The following COG6 variants were observed in gnomAD, a reference collection of about 807,000 sequenced individuals.
COG6 encodes the protein conserved oligomeric Golgi complex subunit 6.
A neutral mutation model predicts 88.8 loss-of-function variants in COG6; 74 were observed. The ratio of observed to expected loss-of-function variants is 0.83; its 90% CI spans 0.69 to 1.01. The LOEUF is 1.01. COG6 is among the 50% of genes least tolerant of loss of function. The probability of loss-of-function intolerance (pLI) is 0.00; values close to 1 mark genes in which losing one functional copy is unlikely to be tolerated. For missense variants in COG6, 800 were observed against 797.9 expected, an observed-to-expected ratio of 1.00 and a Z score of -0.03; for synonymous variants, 286 against 278.7, an observed-to-expected ratio of 1.03 and a Z score of -0.26.
intron 18 of COG6, among the ~76,000 whole-genome samples, chr13:39,744,456 A>G (rs1328905915): frequency 1.3e-5 from 2 of 152,186 alleles, no homozygotes; most frequent in Admixed American, 6.5e-5. Flanking sequence ...CCTATACACC[A>G]ATAACAGACA....
chr13:39,668,912 G>T (rs1875447694), intron 4 of COG6, among the ~76,000 whole-genome samples: 1 of 152,092 alleles, frequency 6.6e-6, no homozygotes, highest in Non-Finnish European at 1.5e-5. Context: ...TAATGACCTT[G>T]ATACTATCTA....
At chr13:39,774,941 C>T (rs117468781) in intron 18 of COG6, among the ~76,000 whole-genome samples, 2,459 of 152,168 alleles carry the variant, frequency 0.016, 25 homozygotes, top group Non-Finnish European at 0.026. Context: ...CAGATAATTC[C>T]GAGAGATTGC....
chr13:39,688,150 ATT>A (rs1876775750), intron 10 of COG6, among the ~76,000 whole-genome samples: 2 of 152,104 alleles, frequency 1.3e-5, no homozygotes, highest in South Asian at 4.1e-4. Flanking sequence ...TATTATCTTA[ATT>A]TTATCTGTGT....
intron 18 of COG6, among the ~76,000 whole-genome samples, chr13:39,783,449 TG>T (rs1345268775): frequency 6.6e-6 from 1 of 152,218 alleles, no homozygotes; most frequent in Admixed American, 6.5e-5. Context: ...TGTTTTGTTT[TG>T]TTTTTTTCAT....
chr13:39,668,204 A>T (rs1165694583), intron 4 of COG6, among the ~76,000 whole-genome samples: 2 of 152,152 alleles, frequency 1.3e-5, no homozygotes, highest in Admixed American at 6.5e-5. Flanking sequence ...ATCTGACTGA[A>T]AAAAGTAAGC....
Position 39,724,483 on chromosome 13 carries a change from CTT to C in COG6, c.1693-8_1693-7del, listed in dbSNP as rs58666375. 0.098 allele frequency: 120,536 copies of C among 1,227,984 alleles called. 77 individuals are homozygous for C. Among genetic ancestry groups the C allele is most frequent in the Non-Finnish European group, 0.1 (92,044 of 887,108 alleles). 76.1% of individuals were successfully genotyped at this position (1,227,984 alleles called of 1,614,324 possible). ...TCTCCTTTTTTACATCTTGGATCTG[CTT>C]TTTTTTTTTTTTTTTTAAATAGGGC... On this transcript the variant is annotated intron_variant, in intron 16 of 18. Coordinates refer to ENST00000455146, the MANE Select transcript of COG6 (RefSeq NM_020751.3).
At chr13:39,784,949 A>C (rs1881729289) in intron 18 of COG6, among the ~76,000 whole-genome samples, 1 of 152,186 alleles carries the variant, frequency 6.6e-6, no homozygotes, top group South Asian at 2.1e-4. Flanking sequence ...GCAATGTATT[A>C]GGGAAGAGCA....
intron 18 of COG6, among the ~76,000 whole-genome samples, chr13:39,744,186 A>C (rs1880209275): frequency 6.6e-6 from 1 of 152,174 alleles, no homozygotes. Context: ...CCCTTTGAAA[A>C]CTGGCACAAG....
At chr13:39,743,141 A>G (rs1167076883) in intron 18 of COG6, among the ~76,000 whole-genome samples, 1 of 152,222 alleles carries the variant, frequency 6.6e-6, no homozygotes, top group Non-Finnish European at 1.5e-5. Flanking sequence ...AATGCCCAAA[A>G]GAGAAAGCAG....
chr13:39,680,486 A>G (rs534276631), intron 7 of COG6, among the ~76,000 whole-genome samples: 3 of 152,248 alleles, frequency 2.0e-5, no homozygotes, highest in Admixed American at 6.5e-5. Flanking sequence ...GTGGCTTAAA[A>G]CAACACATAT....
At chr13:39,733,833 T>C (rs941204416) in intron 18 of COG6, among the ~76,000 whole-genome samples, 7 of 152,194 alleles carry the variant, frequency 4.6e-5, no homozygotes, top group African/African-American at 4.8e-5. Context: ...TATTGGACTC[T>C]TCAGGTTTTG....
At chr13:39,693,805 G>T (rs1034304421) in intron 11 of COG6, among the ~76,000 whole-genome samples, 35 of 151,984 alleles carry the variant, frequency 2.3e-4, no homozygotes, top group Middle Eastern at 3.4e-3. Context: ...GTTTTTAAAA[G>T]CATATATTAA....
At chr13:39,682,945 G>A (rs903903541) in intron 8 of COG6, among the ~76,000 whole-genome samples, 4 of 151,906 alleles carry the variant, frequency 2.6e-5, no homozygotes, top group African/African-American at 9.7e-5. Context: ...AGGAAACGAG[G>A]GGACTCTTAC....
At chr13:39,741,290 C>T (rs995074360) in intron 18 of COG6, among the ~76,000 whole-genome samples, 4 of 151,906 alleles carry the variant, frequency 2.6e-5, no homozygotes, top group Admixed American at 1.3e-4. Flanking sequence ...TTCAGAAAGT[C>T]GATAATAACA....
intron 18 of COG6, among the ~76,000 whole-genome samples, chr13:39,757,758 G>A (rs1184151953): frequency 6.6e-6 from 1 of 152,108 alleles, no homozygotes; most frequent in African/African-American, 2.4e-5. Context: ...GCAACAAGAT[G>A]GAGTCAGTAA....
At chr13:39,673,551 A>T (rs1270394332) in intron 4 of COG6, among the ~76,000 whole-genome samples, 1 of 152,004 alleles carries the variant, frequency 6.6e-6, no homozygotes, top group Non-Finnish European at 1.5e-5. Flanking sequence ...TTTCTTAAGG[A>T]TTGTAAATGA....
At chr13:39,762,469 G>A (rs9576896) in intron 18 of COG6, among the ~76,000 whole-genome samples, 63,080 of 151,542 alleles carry the variant, frequency 0.42, 13,486 homozygotes, top group Admixed American at 0.57. Flanking sequence ...TAGGGTGACT[G>A]TAATTAACAA....
In COG6 at chr13:39,751,682, C is replaced by G. The variant is rs144047200; in HGVS notation, c.*589C>G. The G allele has an allele frequency of 4.1e-4, 532 of 1,286,646 alleles. 3 individuals carry two copies. The African/African-American group carries it at 7.2e-3, about 17-fold the overall frequency. 79.7% of individuals were successfully genotyped at this position (1,286,646 alleles called of 1,614,324 possible). ...CTCCTTTCTGTTCTACTTTAGCATA[C>G]TATATATATTTGACTGTGTACATTC... On this transcript the variant is annotated 3_prime_UTR_variant, in exon 19 of 19. Coordinates refer to ENST00000455146, the MANE Select transcript of COG6 (RefSeq NM_020751.3).
chr13:39,757,628 G>A (rs1880880803), downstream of COG6, among the ~76,000 whole-genome samples: 1 of 149,832 alleles, frequency 6.7e-6, no homozygotes, highest in Non-Finnish European at 1.5e-5. Context: ...TGAACTTACA[G>A]AAATAAGGAT....
Sources: gnomAD v4.1 joint callset for allele counts (sites outside exome capture counted in the v4.1 genomes callset) on GRCh38, gnomAD v4.1.1 for gene constraint, MANE v1.5 for transcripts, NCBI Gene and HGNC (gene_info 2026-07-23, HGNC 2026-07-21) for gene names.